KIF5B: variants seen among roughly 807,000 people sequenced by gnomAD.
The protein encoded by KIF5B is kinesin family member 5B.
In KIF5B, 49 loss-of-function variants were observed where a neutral mutation model predicts 132.8. The ratio of observed to expected loss-of-function variants is 0.37; its 90% CI spans 0.29 to 0.47. The LOEUF (loss-of-function observed/expected upper bound fraction) is 0.47. Ranked by LOEUF, KIF5B falls within the 20% of genes least tolerant of loss-of-function variation. The pLI, the probability that KIF5B is intolerant of heterozygous loss-of-function variation, is 1.00. For missense variants in KIF5B, 780 were observed against 1,144.0 expected (o/e 0.68, Z 4.59); for synonymous variants, 355 against 369.4 (o/e 0.96, Z 0.45).
chr10:32,044,044 G>A (rs566867061), intron 2 of KIF5B, among the ~76,000 whole-genome samples: 23 of 152,044 alleles, frequency 1.5e-4, no homozygotes, highest in African/African-American at 1.9e-4. Flanking sequence ...AGGTACCCAC[G>A]ACCTACCCCT....
intron 2 of KIF5B, among the ~76,000 whole-genome samples, chr10:32,041,919 T>G (rs1310733360): frequency 6.6e-6 from 1 of 152,186 alleles, no homozygotes; most frequent in Admixed American, 6.5e-5. Flanking sequence ...AGTAAGCCCC[T>G]GCACCTGACC....
In KIF5B at chr10:32,017,596, C is replaced by T. The variant is rs1023692698; in HGVS notation, c.2545-237G>A. ...TTTTTAGGGGGAGAATTGTTCTTTCCCTCTACTAGGCAAAGACAATACATT... is the reference window on the plus strand; with the variant it reads ...TTTTTAGGGGGAGAATTGTTCTTTCTCTCTACTAGGCAAAGACAATACATT... On this transcript the variant is annotated intron_variant, in intron 23 of 25. Coordinates refer to ENST00000302418, the MANE Select transcript of KIF5B (RefSeq NM_004521.3). Among the ~76,000 whole-genome samples the T allele has an allele frequency of 2.6e-5, 4 of 152,042 alleles. No homozygotes were observed. The East Asian group carries it at 7.7e-4, about 29-fold the overall frequency.
At chr10:32,031,526 G>T (rs1841402164) in intron 13 of KIF5B, among the ~76,000 whole-genome samples, 1 of 152,166 alleles carries the variant, frequency 6.6e-6, no homozygotes, top group Non-Finnish European at 1.5e-5. Context: ...ATAGGCACAT[G>T]AATAAGTGCA....
At chr10:32,019,995 T>C in intron 19 of KIF5B, 36 bp from the exon 20 acceptor site, 3 of 1,325,724 alleles carry the variant, frequency 2.3e-6, no homozygotes, top group Non-Finnish European at 3.2e-6. Context: ...ACAGTATCAA[T>C]ATCACAGTTT....
At chr10:32,038,851 C>A in intron 4 of KIF5B, 25 bp from the exon 5 acceptor site, 1 of 1,388,838 alleles carries the variant, frequency 7.2e-7, no homozygotes, top group Non-Finnish European at 1.0e-6. Flanking sequence ...TAAAAAAACA[C>A]CGATCAACTA....
chr10:32,054,538 A>C (rs1841729655), intron 1 of KIF5B, among the ~76,000 whole-genome samples: 1 of 152,214 alleles, frequency 6.6e-6, no homozygotes, highest in Non-Finnish European at 1.5e-5. Context: ...GTCTGTCTTC[A>C]GTGTCAATGC....
intron 19 of KIF5B, 27 bp downstream of exon 19, chr10:32,020,995 T>C (rs1841250684): frequency 7.8e-7 from 1 of 1,286,736 alleles, no homozygotes; most frequent in South Asian, 1.2e-5. Context: ...GATTCTTTCC[T>C]CCTAACTAGA....
At position 32,038,088 on chromosome 10, in the gene KIF5B, C is replaced by T. The variant is rs577703603; in HGVS notation, c.498+75G>A. On this transcript the variant is annotated intron_variant, in intron 6 of 25. Coordinates refer to ENST00000302418, the MANE Select transcript of KIF5B (RefSeq NM_004521.3). ...TTGCACCACTGCACTCCAGCCTGGG[C>T]GACAGAGTGAGACTCTGTCTTAAAA... The T allele has an allele frequency of 2.5e-5, 21 of 842,812 alleles. No homozygotes were observed. In the East Asian group the frequency reaches 3.1e-4, roughly 12 times the overall value. The allele number at this position is 842,812 out of a possible 1,614,324, so 52.2% of individuals were successfully genotyped here.
At chr10:32,018,008 A>G (rs1322444196) in intron 23 of KIF5B, 44 bp downstream of exon 23, 2 of 1,118,666 alleles carry the variant, frequency 1.8e-6, no homozygotes, top group Non-Finnish European at 2.6e-6. Flanking sequence ...TCAATTTTTG[A>G]TTTTTACTAT....
At chr10:32,014,549 A>AAGAGAG (rs150457811) in intron 25 of KIF5B, among the ~76,000 whole-genome samples, 11 of 149,948 alleles carry the variant, frequency 7.3e-5, no homozygotes, top group East Asian at 3.9e-4. Flanking sequence ...AAGCTCCAGA[A>AAGAGAG]AGAGAGAGAG....
In KIF5B at chr10:32,052,184, T is replaced by C. The variant is rs559483267; in HGVS notation, c.127-3633A>G. On this transcript the variant is annotated intron_variant, in intron 1 of 25. Transcript: ENST00000302418. The stretch of plus-strand genomic sequence containing the variant: ...CTTCTGGCAGGGATATGTCTTTCTC[T>C]GGAATTCTGAATAGCGGATCATTTC... 5.9e-5 allele frequency among the ~76,000 whole-genome samples: 9 copies of C among 152,348 alleles called. No individual in the cohort carries two copies. In the South Asian group the frequency reaches 1.9e-3, roughly 32 times the overall value.
chr10:32,014,980 C>T (rs1480405532), intron 25 of KIF5B, among the ~76,000 whole-genome samples: 1 of 151,996 alleles, frequency 6.6e-6, no homozygotes, highest in Non-Finnish European at 1.5e-5. Flanking sequence ...CAAAAATTAG[C>T]CAGGCATGGT....
chr10:32,020,055 T>A, intron 19 of KIF5B, 96 bp from the exon 20 acceptor site: 1 of 812,910 alleles, frequency 1.2e-6, no homozygotes. Flanking sequence ...TATAATCTCA[T>A]CAAGGACTTT....
chr10:32,039,318 G>T lies in KIF5B; in HGVS notation c.393+9C>A. Reference sequence around the variant, plus strand: ...AAAATAAAATATAATCTTTCCTCAAGGAATTTACCTTAATATGAAATTCCA... The same window carrying T: ...AAAATAAAATATAATCTTTCCTCAATGAATTTACCTTAATATGAAATTCCA... On this transcript the variant is annotated intron_variant, in intron 4 of 25. Coordinates refer to ENST00000302418, the MANE Select transcript of KIF5B (RefSeq NM_004521.3). 1.1e-6 allele frequency: 1 copy of T among 895,446 alleles called. No homozygotes were observed. Among genetic ancestry groups the T allele is most frequent in the Non-Finnish European group, 1.8e-6 (1 of 568,462 alleles). 55.5% of individuals were successfully genotyped at this position (895,446 alleles called of 1,614,324 possible).
At chr10:32,013,673 G>A (rs953443163) in intron 25 of KIF5B, among the ~76,000 whole-genome samples, 1 of 152,180 alleles carries the variant, frequency 6.6e-6, no homozygotes, top group Non-Finnish European at 1.5e-5. Context: ...TACTGGGTGT[G>A]ATAATATTGT....
chr10:32,043,300 GC>G (rs1841565734), intron 2 of KIF5B, among the ~76,000 whole-genome samples: 1 of 152,192 alleles, frequency 6.6e-6, no homozygotes, highest in South Asian at 2.1e-4. Context: ...ACTGCGCCCA[GC>G]CCGCACTGTA....
chr10:32,019,873 T>C lies in KIF5B; in HGVS notation c.2291A>G (p.Lys764Arg), dbSNP rs1841234574. The C allele has an allele frequency of 6.2e-7, 1 of 1,604,780 alleles. No individual in the cohort carries two copies. Among genetic ancestry groups the C allele is most frequent in the Non-Finnish European group, 8.5e-7 (1 of 1,173,984 alleles). Residue 764 changes from lysine (K) to arginine (R), a missense_variant, in exon 20 of 26, where the codon AAA (lysine) becomes AGA (arginine). Physicochemically the swap from Lys to Arg is conservative, Grantham distance 26 (BLOSUM62 2). This residue lies in a region of KIF5B where 471 missense variants were observed against 569.9 expected (regional missense o/e 0.83). Transcript: ENST00000302418. ...LKATDQEKSR[K>R]LHELTVMQDR... ...AATTACTCACGTAAGTTCATGTAGT[T>C]TTCTGCTCTTTTCCTGATCTGTGGC...
At chr10:32,034,111 ATTTTTTT>A in intron 11 of KIF5B, 73 bp from the exon 12 acceptor site, 2 of 695,684 alleles carry the variant, frequency 2.9e-6, no homozygotes, top group Admixed American at 3.7e-5. Context: ...TCCTTTAAAA[ATTTTTTT>A]TTTTTTTTTT....
chr10:32,026,804 T>G (rs1841340081), intron 15 of KIF5B, among the ~76,000 whole-genome samples: 1 of 152,204 alleles, frequency 6.6e-6, no homozygotes, highest in South Asian at 2.1e-4. Context: ...GAAATAAATG[T>G]ACTTTTCCAT....
Sources: allele counts gnomAD v4.1 joint callset (sites outside exome capture counted in the v4.1 genomes callset), GRCh38; gene constraint gnomAD v4.1.1; regional missense constraint gnomAD v4.1.1; transcripts MANE v1.5; gene names NCBI Gene and HGNC (gene_info 2026-07-23, HGNC 2026-07-21).